CCDC149: variants seen among roughly 807,000 people sequenced by gnomAD.
CCDC149 encodes coiled-coil domain containing 149, also known as coiled-coil domain-containing protein 149.
A neutral mutation model predicts 59.9 loss-of-function variants in CCDC149; 45 were observed. The observed-to-expected ratio is 0.75, with a 90% CI of 0.59 to 0.96. CCDC149 has a LOEUF of 0.96. CCDC149 is among the 40% of genes least tolerant of loss of function. The pLI, the probability that CCDC149 is intolerant of heterozygous loss-of-function variation, is 0.00. For missense variants in CCDC149, 584 were observed against 664.7 expected (o/e 0.88, Z 1.33); for synonymous variants, 245 against 260.6 (o/e 0.94, Z 0.58).
intron 1 of CCDC149, among the ~76,000 whole-genome samples, chr4:24,929,397 G>A (rs3846336): frequency 0.07 from 10,592 of 152,158 alleles, 385 homozygotes; most frequent in East Asian, 0.097. Context: ...AATCCTTAGC[G>A]CCACCACCGC....
intron 1 of CCDC149, among the ~76,000 whole-genome samples, chr4:24,892,158 C>T (rs975880176): frequency 6.6e-6 from 1 of 152,190 alleles, no homozygotes; most frequent in South Asian, 2.1e-4. Flanking sequence ...GCAGTGGATA[C>T]TCCCAAGTAA....
intron 3 of CCDC149, among the ~76,000 whole-genome samples, chr4:24,858,191 G>A (rs1315525250): frequency 6.6e-6 from 1 of 152,160 alleles, no homozygotes; most frequent in African/African-American, 2.4e-5. Context: ...GCTATGCAGA[G>A]CACTTTGTCT....
intron 3 of CCDC149, among the ~76,000 whole-genome samples, chr4:24,868,656 T>G (rs1012828499): frequency 6.6e-6 from 1 of 152,164 alleles, no homozygotes; most frequent in Non-Finnish European, 1.5e-5. Flanking sequence ...ACAAGAGGTG[T>G]CAATGGAAAT....
intron 1 of CCDC149, among the ~76,000 whole-genome samples, chr4:24,979,398 G>C (rs1308173206): frequency 1.3e-5 from 2 of 152,176 alleles, no homozygotes; most frequent in African/African-American, 4.8e-5. Context: ...AGCACAGACA[G>C]GGTCTGCTAT....
intron 1 of CCDC149, among the ~76,000 whole-genome samples, chr4:24,891,005 G>T (rs1720493185): frequency 6.6e-6 from 1 of 152,190 alleles, no homozygotes. Flanking sequence ...CAGCATGCAG[G>T]CCTCCCCAGC....
chr4:24,816,814 T>A (rs1715040991), intron 12 of CCDC149, among the ~76,000 whole-genome samples: 1 of 152,048 alleles, frequency 6.6e-6, no homozygotes, highest in South Asian at 2.1e-4. Flanking sequence ...AGAAACAGTA[T>A]CTCTTTGTTA....
In CCDC149 at chr4:24,808,318, C is replaced by G; in HGVS notation, c.*71G>C. The G allele has an allele frequency of 7.4e-7, 1 of 1,353,574 alleles. No homozygotes were observed. The highest frequency in any genetic ancestry group is 1.9e-4 in the Middle Eastern group (1 of 5,302). The allele number at this position is 1,353,574 out of a possible 1,614,324, so 83.8% of individuals were successfully genotyped here. On this transcript the variant is annotated 3_prime_UTR_variant, in exon 13 of 13. Coordinates refer to ENST00000635206, the MANE Select transcript of CCDC149 (RefSeq NM_001330643.2). ...TTCAGGAGAAGGCGACGTGAGCGCA[C>G]CATTCCGATGCTTCATTCTTGACCC...
At chr4:24,934,346 C>T (rs1722674067) in intron 1 of CCDC149, among the ~76,000 whole-genome samples, 1 of 152,230 alleles carries the variant, frequency 6.6e-6, no homozygotes, top group Non-Finnish European at 1.5e-5. Flanking sequence ...CTCTTGCCTG[C>T]TGCCATGTGA....
intron 3 of CCDC149, among the ~76,000 whole-genome samples, chr4:24,853,826 C>T (rs116523504): frequency 2.5e-3 from 388 of 152,236 alleles, no homozygotes; most frequent in African/African-American, 8.6e-3. Context: ...AAGTCAGTGA[C>T]GAGCAACAAT....
chr4:24,805,456 A>C (rs1269329833), downstream of CCDC149, among the ~76,000 whole-genome samples: 1 of 152,164 alleles, frequency 6.6e-6, no homozygotes, highest in African/African-American at 2.4e-5. Flanking sequence ...CAGCAACAAA[A>C]AGACATGGGG....
intron 1 of CCDC149, among the ~76,000 whole-genome samples, chr4:24,910,784 T>C (rs575015532): frequency 2.0e-5 from 3 of 152,314 alleles, no homozygotes; most frequent in Admixed American, 2.0e-4. Context: ...GATGTGAGGC[T>C]CTGTGCAAGT....
chr4:24,835,351 A>G (rs1268435485), intron 7 of CCDC149, among the ~76,000 whole-genome samples: 1 of 152,238 alleles, frequency 6.6e-6, no homozygotes, highest in Non-Finnish European at 1.5e-5. Flanking sequence ...TGAAGTCACT[A>G]GTAATGAAAA....
chr4:24,912,988 C>G lies in CCDC149; in HGVS notation c.-109G>C. 2.9e-6 allele frequency: 1 copy of G among 342,696 alleles called. No homozygotes were observed. The highest frequency in any genetic ancestry group is 4.3e-6 in the Non-Finnish European group (1 of 234,374). 21.2% of individuals were successfully genotyped at this position (342,696 alleles called of 1,614,324 possible). A position where few individuals can be genotyped will look rare whatever the true frequency, so the allele number is the denominator to read the frequency against. Reference sequence around the variant, plus strand: ...CCGAGAGGGCCCGGCGCCTCCGAGCCGCTGCGCCGCCGCCTCTCGCGGCCG... The same window carrying G: ...CCGAGAGGGCCCGGCGCCTCCGAGCGGCTGCGCCGCCGCCTCTCGCGGCCG... On this transcript the variant is annotated 5_prime_UTR_variant, in exon 1 of 13. Coordinates refer to ENST00000635206, the MANE Select transcript of CCDC149 (RefSeq NM_001330643.2).
intron 3 of CCDC149, among the ~76,000 whole-genome samples, chr4:24,858,126 C>T (rs1462663219): frequency 1.3e-5 from 2 of 152,184 alleles, no homozygotes; most frequent in Non-Finnish European, 1.5e-5. Context: ...GACTCACACA[C>T]ATTCACTATA....
At chr4:24,973,539 A>G (rs1724046462) in intron 1 of CCDC149, among the ~76,000 whole-genome samples, 1 of 152,248 alleles carries the variant, frequency 6.6e-6, no homozygotes. Flanking sequence ...AGCATGCCTG[A>G]GGCTACTGGC....
intron 9 of CCDC149, among the ~76,000 whole-genome samples, chr4:24,824,981 G>A (rs1477882156): frequency 6.6e-6 from 1 of 152,214 alleles, no homozygotes; most frequent in Admixed American, 6.5e-5. Flanking sequence ...GAAAGAACGT[G>A]GCAGGGAGCC....
chr4:24,915,097 G>T (rs1722087930), upstream of CCDC149, among the ~76,000 whole-genome samples: 1 of 152,232 alleles, frequency 6.6e-6, no homozygotes, highest in Admixed American at 6.5e-5. Flanking sequence ...ATTCTGGGCT[G>T]CCTAACTCAT....
intron 1 of CCDC149, among the ~76,000 whole-genome samples, chr4:24,964,997 A>G (rs1338292639): frequency 6.6e-6 from 1 of 151,276 alleles, no homozygotes; most frequent in African/African-American, 2.5e-5. Flanking sequence ...GGAAAAATTA[A>G]AACATTTTCA....
chr4:24,805,358 G>A (rs536811288), downstream of CCDC149, among the ~76,000 whole-genome samples: 2 of 152,308 alleles, frequency 1.3e-5, no homozygotes, highest in African/African-American at 4.8e-5. Flanking sequence ...AGGGAGGGGG[G>A]ATGAGATGGC....
Sources: gnomAD v4.1 joint callset for allele counts (sites outside exome capture counted in the v4.1 genomes callset) on GRCh38, gnomAD v4.1.1 for gene constraint, MANE v1.5 for transcripts, NCBI Gene and HGNC (gene_info 2026-07-23, HGNC 2026-07-21) for gene names.